Variants in B3GAT2 observed in about 807,000 individuals in gnomAD.
The protein encoded by B3GAT2 is galactosylgalactosylxylosylprotein 3-beta-glucuronosyltransferase 2.
Under a neutral mutation model 27.8 loss-of-function variants are expected in B3GAT2, and 26 were observed. That is an observed-to-expected ratio of 0.93 (90% CI 0.68 to 1.30). The LOEUF (loss-of-function observed/expected upper bound fraction) is 1.30, where lower values mean the gene tolerates loss of function less well. Among genes scored for constraint, B3GAT2 ranks in the 50% most tolerant of loss-of-function variants. The probability of loss-of-function intolerance (pLI) is 0.00; values close to 1 mark genes in which losing one functional copy is unlikely to be tolerated. For missense variants in B3GAT2, 458 were observed against 459.0 expected (o/e 1.00, Z 0.02); for synonymous variants, 218 against 195.1 (o/e 1.12, Z -0.98).
chr6:70,920,928 A>AT (rs112290710), intron 1 of B3GAT2, among the ~76,000 whole-genome samples: 14 of 151,968 alleles, frequency 9.2e-5, no homozygotes, highest in African/African-American at 2.9e-4. Flanking sequence ...CTTGGTTGGA[A>AT]TTTTTTTTGC....
At chr6:70,922,664 A>G (rs1272619083) in intron 1 of B3GAT2, among the ~76,000 whole-genome samples, 1 of 152,150 alleles carries the variant, frequency 6.6e-6, no homozygotes, top group Non-Finnish European at 1.5e-5. Flanking sequence ...GGATGCAACA[A>G]AAACAATGCC....
At chr6:70,912,706 C>G (rs755818222) in intron 1 of B3GAT2, among the ~76,000 whole-genome samples, 21 of 151,894 alleles carry the variant, frequency 1.4e-4, no homozygotes, top group Non-Finnish European at 3.1e-4. Context: ...AGGGAGGGGT[C>G]CCTCCTCCTT....
At chr6:70,922,609 A>T (rs1224553009) in intron 1 of B3GAT2, among the ~76,000 whole-genome samples, 2 of 152,120 alleles carry the variant, frequency 1.3e-5, no homozygotes, top group South Asian at 2.1e-4. Context: ...ATAAATATAA[A>T]TTAGAAAATA....
At chr6:70,954,923 G>GGGGGA (rs1489138586) in intron 1 of B3GAT2, among the ~76,000 whole-genome samples, 1 of 151,218 alleles carries the variant, frequency 6.6e-6, no homozygotes, top group Admixed American at 6.6e-5. Context: ...GGCGGGGGGG[G>GGGGGA]GCGGTGCGCG....
At chr6:70,899,573 A>C (rs1369087266) in intron 1 of B3GAT2, among the ~76,000 whole-genome samples, 1 of 151,920 alleles carries the variant, frequency 6.6e-6, no homozygotes, top group Admixed American at 6.5e-5. Context: ...TTGTCATATA[A>C]TTAGTTTAAA....
intron 1 of B3GAT2, among the ~76,000 whole-genome samples, chr6:70,950,227 A>T (rs1316122107): frequency 1.3e-5 from 2 of 151,916 alleles, no homozygotes; most frequent in East Asian, 3.8e-4. Context: ...AAATAAAATA[A>T]AGAAATATCC....
intron 1 of B3GAT2, among the ~76,000 whole-genome samples, chr6:70,904,266 A>G (rs1444031312): frequency 2.6e-5 from 4 of 152,230 alleles, no homozygotes; most frequent in Non-Finnish European, 5.9e-5. Context: ...ACAGGGTGAC[A>G]GTTCAGGGTA....
Position 70,894,138 on chromosome 6 carries a change from G to T in B3GAT2, c.726C>A (p.Ile242=). 6.2e-7 allele frequency: 1 copy of T among 1,610,984 alleles called. No homozygotes were observed. The highest frequency in any genetic ancestry group is 8.5e-7 in the Non-Finnish European group (1 of 1,178,378). The stretch of plus-strand genomic sequence containing the variant: ...ACCCACACTGCTCACCTGCCATGTC[G>T]ATGGCAAAAGGCCTGTCTGCTCTCC... ...TGWRADRPFA[I]DMAGFAVSLQ... is the part of the protein sequence containing the mutation. Residue 242 remains isoleucine (I), a synonymous_variant, in exon 2 of 4, where the codon ATC becomes ATA. Coordinates refer to ENST00000230053, the MANE Select transcript of B3GAT2 (RefSeq NM_080742.3).
At chr6:70,920,558 A>G (rs566091882) in intron 1 of B3GAT2, among the ~76,000 whole-genome samples, 2 of 151,246 alleles carry the variant, frequency 1.3e-5, no homozygotes, top group South Asian at 2.1e-4. Flanking sequence ...ATTTGGAGCA[A>G]CTCTCCATGT....
In B3GAT2 at chr6:70,858,287, C is replaced by CTTTT. The variant is rs68188898; in HGVS notation, c.*3372_*3375dup. 15 of 290,726 alleles carry CTTTT rather than the reference C, an allele frequency of 5.2e-5. No homozygotes were observed. The African/African-American group carries it at 5.2e-4, about 10-fold the overall frequency. The allele number at this position is 290,726 out of a possible 1,614,324, so 18.0% of individuals were successfully genotyped here. ...ATCAAACCAGATTTATTTTCTAAAT[C>CTTTT]TTTTTTTTTTTTTTTTTTTTTTTTT... On this transcript the variant is annotated 3_prime_UTR_variant, in exon 4 of 4. Coordinates refer to ENST00000230053, the MANE Select transcript of B3GAT2 (RefSeq NM_080742.3).
intron 2 of B3GAT2, among the ~76,000 whole-genome samples, chr6:70,874,521 T>G (rs1771982976): frequency 1.3e-5 from 2 of 152,190 alleles, no homozygotes; most frequent in South Asian, 4.1e-4. Context: ...AGGATTTTCT[T>G]GAACAAGCAC....
intron 1 of B3GAT2, 126 bp downstream of exon 1, chr6:70,955,713 A>C: frequency 8.7e-7 from 1 of 1,144,080 alleles, no homozygotes; most frequent in Non-Finnish European, 1.2e-6. Context: ...GGTGCCCCGA[A>C]TGCGCGCACG....
chr6:70,880,841 T>G (rs552560904), intron 2 of B3GAT2, among the ~76,000 whole-genome samples: 1 of 152,058 alleles, frequency 6.6e-6, no homozygotes, highest in East Asian at 1.9e-4. Flanking sequence ...AATTTTTATA[T>G]TTTTAGTAGA....
chr6:70,949,460 G>T (rs12197844), intron 1 of B3GAT2, among the ~76,000 whole-genome samples: 107,939 of 150,388 alleles, frequency 0.72, 39,048 homozygotes, highest in African/African-American at 0.77. Context: ...AAAATGCTCA[G>T]CATCACTGGC....
chr6:70,927,174 A>C (rs1193071886), intron 1 of B3GAT2, among the ~76,000 whole-genome samples: 3 of 152,218 alleles, frequency 2.0e-5, no homozygotes, highest in Non-Finnish European at 4.4e-5. Flanking sequence ...CTCCTGAAGG[A>C]AGAACTAAAC....
intron 2 of B3GAT2, among the ~76,000 whole-genome samples, chr6:70,887,077 A>G (rs1318878398): frequency 6.6e-6 from 1 of 152,238 alleles, no homozygotes; most frequent in Non-Finnish European, 1.5e-5. Flanking sequence ...ACATTCATGC[A>G]TGGAAAACAG....
Position 70,857,936 on chromosome 6 carries a change from C to T in B3GAT2, c.*3727G>A, listed in dbSNP as rs756563453. The T allele has an allele frequency of 5.6e-6, 9 of 1,613,908 alleles. No homozygotes were observed. The highest frequency in any genetic ancestry group is 2.2e-5 in the East Asian group (1 of 44,864). ...TTGTGGTGCAGGTGTATTTATGGGACCCACAAATATACCATTTACCTCACA... is the reference window on the plus strand; with the variant it reads ...TTGTGGTGCAGGTGTATTTATGGGATCCACAAATATACCATTTACCTCACA... On this transcript the variant is annotated 3_prime_UTR_variant, in exon 4 of 4. Transcript: ENST00000230053.
intron 1 of B3GAT2, among the ~76,000 whole-genome samples, chr6:70,917,175 T>C (rs1046789689): frequency 6.6e-6 from 1 of 152,236 alleles, no homozygotes. Context: ...GATTTTCTAT[T>C]TTATTTGCGT....
At chr6:70,910,030 C>T (rs941087460) in intron 1 of B3GAT2, among the ~76,000 whole-genome samples, 1 of 144,014 alleles carries the variant, frequency 6.9e-6, no homozygotes, top group South Asian at 2.2e-4. Context: ...CCCACCACCA[C>T]ACCCGGCTAA....
Sources: gnomAD v4.1 joint callset for allele counts (sites outside exome capture counted in the v4.1 genomes callset) on GRCh38, gnomAD v4.1.1 for gene constraint, MANE v1.5 for transcripts, NCBI Gene and HGNC (gene_info 2026-07-23, HGNC 2026-07-21) for gene names.